DUXA: variants seen among roughly 807,000 people sequenced by gnomAD.
DUXA encodes the protein double homeobox A.
DUXA carries 25 observed loss-of-function variants against 27.5 expected under a neutral mutation model. The observed-to-expected ratio is 0.91, with a 90% CI of 0.66 to 1.27. The LOEUF (loss-of-function observed/expected upper bound fraction) is 1.27. Ranked by LOEUF, DUXA falls within the 50% of genes most tolerant of loss-of-function variation. The pLI is 0.00. For synonymous variants in DUXA, 90 were observed against 80.5 expected (o/e 1.12, Z -0.63); for missense variants, 247 against 242.9 (o/e 1.02, Z -0.11).
At chr19:57,165,813 A>AG (rs1206956289) in intron 1 of DUXA, among the ~76,000 whole-genome samples, 2 of 150,658 alleles carry the variant, frequency 1.3e-5, no homozygotes, top group African/African-American at 2.4e-5. Flanking sequence ...CAAAAAAAAA[A>AG]AAAAAAAAGC....
intron 1 of DUXA, among the ~76,000 whole-genome samples, chr19:57,161,950 C>T (rs190230074): frequency 4.1e-4 from 62 of 151,910 alleles, no homozygotes; most frequent in East Asian, 3.9e-3. Context: ...AGTGCAGTGG[C>T]GCAATCATGG....
chr19:57,166,392 A>T (rs1599933741), intron 1 of DUXA, among the ~76,000 whole-genome samples: 1 of 152,218 alleles, frequency 6.6e-6, no homozygotes, highest in East Asian at 1.9e-4. Flanking sequence ...TCACTGCAAC[A>T]TTCACCTCTT....
At position 57,164,582 on chromosome 19, in the gene DUXA, AT is replaced by A. The variant is rs756499627; in HGVS notation, c.25+2836del. On this transcript the variant is annotated intron_variant, in intron 1 of 5. Transcript: ENST00000554048. Reference sequence around the variant, plus strand: ...AGGAGTGAAACTCCGTCTCAAAAAAATAAAATTAAAAATAATTTTTTTAAAA... The same window carrying A: ...AGGAGTGAAACTCCGTCTCAAAAAAAAAAATTAAAAATAATTTTTTTAAAA... Among the ~76,000 whole-genome samples the A allele has an allele frequency of 7.3e-5, 9 of 122,960 alleles. No homozygotes were observed. The South Asian group carries it at 1.1e-3, about 16-fold the overall frequency. 80.7% of individuals were successfully genotyped at this position (122,960 alleles called of 152,430 possible).
intron 1 of DUXA, among the ~76,000 whole-genome samples, chr19:57,165,677 C>T (rs563540759): frequency 2.0e-5 from 3 of 151,292 alleles, no homozygotes; most frequent in Non-Finnish European, 4.4e-5. Flanking sequence ...TGGTGGCGGG[C>T]GTCTGTAGTC....
intron 4 of DUXA, among the ~76,000 whole-genome samples, chr19:57,155,597 A>G (rs969569352): frequency 2.0e-5 from 3 of 150,838 alleles, no homozygotes; most frequent in African/African-American, 7.3e-5. Context: ...AGCACAACCA[A>G]TCCTCCCAAG....
rs114100051 is a variant in DUXA, at chr19:57,162,995, G to A, written c.26-2198C>T. Among the ~76,000 whole-genome samples, 606 of 151,628 alleles carry A rather than the reference G, an allele frequency of 4.0e-3. 6 individuals carry two copies. The highest frequency in any genetic ancestry group is 0.014 in the African/African-American group (575 of 41,336). On this transcript the variant is annotated intron_variant, in intron 1 of 5. Coordinates refer to ENST00000554048, the MANE Select transcript of DUXA (RefSeq NM_001012729.2). ...CTCTTGAACCTTGACCTCATCATAC[G>A]CGACATTCCATACCTTGACCTCATC...
In DUXA at chr19:57,158,478, G is replaced by A; in HGVS notation, c.293-5C>T. 6.2e-7 allele frequency: 1 copy of A among 1,609,208 alleles called. No homozygotes were observed. Among genetic ancestry groups the A allele is most frequent in the Non-Finnish European group, 8.5e-7 (1 of 1,176,012 alleles). On this transcript the variant is annotated splice_polypyrimidine_tract_variant and splice_region_variant and intron_variant, in intron 3 of 5. Coordinates refer to ENST00000554048, the MANE Select transcript of DUXA (RefSeq NM_001012729.2). The stretch of plus-strand genomic sequence containing the variant: ...GACACCGTCTGGCTTCTCTACCTAG[G>A]GAAGGCATGGAAAGATGGAGGGGGG...
At chr19:57,159,918 T>C (rs2087011736) in intron 2 of DUXA, among the ~76,000 whole-genome samples, 1 of 151,650 alleles carries the variant, frequency 6.6e-6, no homozygotes, top group African/African-American at 2.4e-5. Flanking sequence ...CTGGCCAACA[T>C]AGTGAACCTC....
At chr19:57,161,395 G>C (rs908846731) in intron 1 of DUXA, among the ~76,000 whole-genome samples, 15 of 146,150 alleles carry the variant, frequency 1.0e-4, no homozygotes. Context: ...AGGCCGAGGC[G>C]GGCGGATCAC....
At chr19:57,163,389 T>A (rs186934330) in intron 1 of DUXA, among the ~76,000 whole-genome samples, 52 of 151,866 alleles carry the variant, frequency 3.4e-4, no homozygotes, top group Admixed American at 3.0e-3. Context: ...CCCCATACAA[T>A]CCTCCCACCT....
chr19:57,160,896 C>G, intron 1 of DUXA, 99 bp from the exon 2 acceptor site: 1 of 1,356,406 alleles, frequency 7.4e-7, no homozygotes, highest in Non-Finnish European at 1.0e-6. Flanking sequence ...CCCAAATCCA[C>G]TGGAATCCAC....
intron 1 of DUXA, among the ~76,000 whole-genome samples, chr19:57,164,649 T>C (rs1461664368): frequency 2.0e-5 from 3 of 152,154 alleles, no homozygotes; most frequent in Non-Finnish European, 4.4e-5. Flanking sequence ...AACAAAAATT[T>C]TTTTTAAGAT....
rs573044378 is a variant in DUXA at position 57,157,953 on chromosome 19, C to T, written c.438+375G>A. 6.6e-5 allele frequency among the ~76,000 whole-genome samples: 10 copies of T among 151,806 alleles called. 1 individual carries two copies. Among genetic ancestry groups the T allele is most frequent in the South Asian group, 2.1e-4 (1 of 4,808 alleles). On this transcript the variant is annotated intron_variant, in intron 4 of 5. Coordinates refer to ENST00000554048, the MANE Select transcript of DUXA (RefSeq NM_001012729.2). ...AGGTGGCAGTGAGGCAAGATTTCGC[C>T]GCTGCACTCCAGCCTGGGTAATAGA...
At chr19:57,165,681 T>C (rs1247444451) in intron 1 of DUXA, among the ~76,000 whole-genome samples, 1 of 151,440 alleles carries the variant, frequency 6.6e-6, no homozygotes, top group Non-Finnish European at 1.5e-5. Context: ...GGCGGGCGTC[T>C]GTAGTCCCAG....
At chr19:57,161,019 T>C (rs896670692) in intron 1 of DUXA, among the ~76,000 whole-genome samples, 2 of 151,870 alleles carry the variant, frequency 1.3e-5, no homozygotes, top group Admixed American at 6.6e-5. Context: ...TCCTCTGTTT[T>C]GAAAAACCAT....
chr19:57,164,423 A>C (rs888951909), intron 1 of DUXA, among the ~76,000 whole-genome samples: 6 of 152,228 alleles, frequency 3.9e-5, no homozygotes, highest in Admixed American at 1.3e-4. Flanking sequence ...TAAAAATACA[A>C]AATTAGCCAG....
At chr19:57,154,548 C>A in intron 5 of DUXA, 66 bp from the exon 6 acceptor site, 5 of 1,246,716 alleles carry the variant, frequency 4.0e-6, no homozygotes, top group South Asian at 1.3e-5. Context: ...ACATGGACGT[C>A]AGCCTTTTCC....
Position 57,158,377 on chromosome 19 carries a change from GA to G in DUXA, c.388del (p.Ser130ProfsTer39). The G allele has an allele frequency of 6.2e-7, 1 of 1,612,826 alleles. No individual in the cohort carries two copies. Among genetic ancestry groups the G allele is most frequent in the Non-Finnish European group, 8.5e-7 (1 of 1,179,996 alleles). ...FMKNPYPGID[S>X]REELAKEIGV... ...GATTTCTTTAGCAAGTTCTTCTCTG[GA>G]ATCAATCCCAGGATATGGGTTTTTC... On this transcript the variant is annotated frameshift_variant, in exon 4 of 6. Transcript: ENST00000554048. LOFTEE classifies it high-confidence loss of function.
rs1346799019 is a variant in DUXA, at chr19:57,154,383, A to G, written c.*29T>C. On this transcript the variant is annotated 3_prime_UTR_variant, in exon 6 of 6. Transcript: ENST00000554048. ...GAGACAGATTTGGGGTCCAGTTGAT[A>G]TTATCAAGTACACTGAATTTGACTG... The G allele has an allele frequency of 1.9e-6, 3 of 1,603,658 alleles. No individual in the cohort carries two copies. The South Asian group carries it at 3.3e-5, about 18-fold the overall frequency.
Sources: allele counts gnomAD v4.1 joint callset (sites outside exome capture counted in the v4.1 genomes callset), GRCh38; gene constraint gnomAD v4.1.1; transcripts MANE v1.5; gene names NCBI Gene and HGNC (gene_info 2026-07-23, HGNC 2026-07-21).